Variants in CRYBG3 observed in about 807,000 individuals in gnomAD.
CRYBG3 encodes very large A-kinase anchor protein.
CRYBG3 carries 127 observed loss-of-function variants against 244.2 expected under a neutral mutation model. The observed-to-expected ratio is 0.52, with a 90% CI of 0.45 to 0.60. The LOEUF (loss-of-function observed/expected upper bound fraction) is 0.60, where lower values mean the gene tolerates loss of function less well. CRYBG3 is among the 20% of genes least tolerant of loss of function. CRYBG3 has a pLI of 0.00. For missense variants in CRYBG3, 3,325 were observed against 3,442.5 expected, an observed-to-expected ratio of 0.97 and a Z score of 0.85; for synonymous variants, 1,132 against 1,195.8, an observed-to-expected ratio of 0.95 and a Z score of 1.10.
At chr3:97,894,183 T>C (rs780919743) in intron 11 of CRYBG3, among the ~76,000 whole-genome samples, 5 of 152,206 alleles carry the variant, frequency 3.3e-5, no homozygotes, top group Admixed American at 1.3e-4. Context: ...TAAATGTTTT[T>C]CCTATTAACT....
intron 11 of CRYBG3, 57 bp downstream of exon 11, chr3:97,893,050 A>T: frequency 6.9e-7 from 1 of 1,455,526 alleles, no homozygotes; most frequent in Non-Finnish European, 9.3e-7. Flanking sequence ...GGTCAGCACA[A>T]AAATGTGCTA....
intron 11 of CRYBG3, 59 bp downstream of exon 11, chr3:97,893,052 A>T: frequency 6.9e-7 from 1 of 1,457,892 alleles, no homozygotes; most frequent in South Asian, 1.3e-5. Flanking sequence ...TCAGCACAAA[A>T]ATGTGCTAAG....
rs548815230 is a variant in CRYBG3, at chr3:97,915,748, G to C, written c.8241+12G>C. ...AGCCCATTGACTATGTAAGTACTTT[G>C]CAAAATGCATACTTATAAGATTCTT... On this transcript the variant is annotated intron_variant, in intron 17 of 21. Transcript: ENST00000389622. 31 of 1,589,264 alleles carry C rather than the reference G, an allele frequency of 2.0e-5. No homozygotes were observed. The African/African-American group carries it at 3.5e-4, about 18-fold the overall frequency.
intron 2 of CRYBG3, among the ~76,000 whole-genome samples, chr3:97,863,466 A>G (rs1334178315): frequency 2.6e-5 from 4 of 152,140 alleles, no homozygotes; most frequent in South Asian, 4.1e-4. Context: ...AGTATGCCCA[A>G]TGCTATCCAT....
rs1004320919 is a variant in CRYBG3 at position 97,877,218 on chromosome 3, AGAG to A, written c.6030_6032del (p.Glu2010del). On this transcript the variant is annotated inframe_deletion, in exon 4 of 22. Transcript: ENST00000389622. ...CTATATTATACGAAGAGCCCCTTCA[AGAG>A]GAGGACAAGTATGCTTCCGCAGAAG... 1.1e-5 allele frequency: 17 copies of A among 1,613,918 alleles called. No homozygotes were observed. The highest frequency in any genetic ancestry group is 1.4e-5 in the Non-Finnish European group (17 of 1,179,938).
intron 1 of CRYBG3, among the ~76,000 whole-genome samples, chr3:97,833,902 C>T (rs771470130): frequency 2.1e-4 from 32 of 152,176 alleles, no homozygotes; most frequent in Middle Eastern, 6.8e-3. Context: ...TGTCAAGCTG[C>T]TTCCACTCAT....
At chr3:97,878,068 AG>A in intron 4 of CRYBG3, 31 bp downstream of exon 4, 2 of 1,516,650 alleles carry the variant, frequency 1.3e-6, no homozygotes, top group African/African-American at 1.4e-5. Flanking sequence ...TATTAATAAT[AG>A]TTATTAAAGC....
intron 14 of CRYBG3, 125 bp downstream of exon 14, chr3:97,899,388 A>AAGTG: frequency 1.0e-6 from 1 of 982,832 alleles, no homozygotes; most frequent in South Asian, 1.7e-5. Context: ...AAGAAAATGC[A>AAGTG]ATATCACTTG....
At chr3:97,871,285 ATTGAG>A (rs1470706058) in intron 3 of CRYBG3, among the ~76,000 whole-genome samples, 4 of 152,232 alleles carry the variant, frequency 2.6e-5, no homozygotes, top group African/African-American at 9.6e-5. Context: ...TTTGTCATTT[ATTGAG>A]TTAACAAATA....
intron 11 of CRYBG3, 33 bp downstream of exon 11, chr3:97,893,026 AGTC>A (rs751509222): frequency 3.3e-5 from 52 of 1,575,450 alleles, no homozygotes; most frequent in Non-Finnish European, 4.3e-5. Context: ...TTGCACAAGT[AGTC>A]TGTTTTTGAA....
intron 12 of CRYBG3, 29 bp downstream of exon 12, chr3:97,896,114 C>G (rs745984182): frequency 7.6e-6 from 12 of 1,571,574 alleles, no homozygotes; most frequent in African/African-American, 5.5e-5. Context: ...CCTTAATTTT[C>G]TACCTTTTAA....
At position 97,875,563 on chromosome 3, in the gene CRYBG3, G is replaced by A. The variant is rs182430936; in HGVS notation, c.4369G>A (p.Glu1457Lys). 1.7e-5 allele frequency: 21 copies of A among 1,242,346 alleles called. No homozygotes were observed. In the East Asian group the frequency reaches 3.1e-4, roughly 19 times the overall value. The allele number at this position is 1,242,346 out of a possible 1,614,324, so 77.0% of individuals were successfully genotyped here. The stretch of plus-strand genomic sequence containing the variant: ...GGACTGTAATGAGACAATGGAAATA[G>A]AGAATGTGGATAATAACAAAACTGA... ...SEDCNETMEI[E>K]NVDNNKTETE... is the part of the protein sequence containing the mutation. Residue 1457 changes from glutamate (E) to lysine (K), a missense_variant, in exon 4 of 22, where the codon GAG becomes AAG. This residue lies in a region of CRYBG3 where 635 missense variants were observed against 771.7 expected (regional missense o/e 0.82). Transcript: ENST00000389622.
At chr3:97,835,717 TG>T (rs746302060) in intron 1 of CRYBG3, among the ~76,000 whole-genome samples, 1 of 152,030 alleles carries the variant, frequency 6.6e-6, no homozygotes, top group African/African-American at 2.4e-5. Flanking sequence ...GGATTTCAGT[TG>T]GGGGGGAGGT....
intron 21 of CRYBG3, 34 bp from the exon 22 acceptor site, chr3:97,943,192 C>A: frequency 1.6e-6 from 2 of 1,283,150 alleles, no homozygotes; most frequent in Non-Finnish European, 2.2e-6. Context: ...CCTGCCTGAA[C>A]AAATAATCTT....
At chr3:97,893,601 G>A (rs2039606265) in intron 11 of CRYBG3, among the ~76,000 whole-genome samples, 2 of 152,172 alleles carry the variant, frequency 1.3e-5, no homozygotes, top group Non-Finnish European at 2.9e-5. Context: ...TTCGTATCCT[G>A]GTAGGTGAAA....
chr3:97,841,259 T>C (rs779864009), intron 1 of CRYBG3, among the ~76,000 whole-genome samples: 1 of 142,402 alleles, frequency 7.0e-6, no homozygotes, highest in Non-Finnish European at 1.5e-5. Context: ...TGTATATATG[T>C]GTATACACAT....
chr3:97,918,892 C>T (rs1290665799), intron 17 of CRYBG3, among the ~76,000 whole-genome samples: 1 of 152,270 alleles, frequency 6.6e-6, no homozygotes, highest in East Asian at 1.9e-4. Context: ...TTCATTTTGC[C>T]TATGCACACA....
chr3:97,853,927 A>AT (rs1381412172), intron 2 of CRYBG3, among the ~76,000 whole-genome samples: 12 of 152,032 alleles, frequency 7.9e-5, no homozygotes, highest in African/African-American at 2.9e-4. Context: ...AGTCTTATGG[A>AT]TTTTATCTAC....
At chr3:97,891,555 C>T (rs1002380986) in intron 10 of CRYBG3, among the ~76,000 whole-genome samples, 4 of 152,148 alleles carry the variant, frequency 2.6e-5, no homozygotes, top group South Asian at 2.1e-4. Flanking sequence ...ACTGTCAAGA[C>T]ACTTTCGTAA....
Sources: gnomAD v4.1 joint callset for allele counts (sites outside exome capture counted in the v4.1 genomes callset) on GRCh38, gnomAD v4.1.1 for gene constraint, gnomAD v4.1.1 regional missense constraint, MANE v1.5 for transcripts, NCBI Gene and HGNC (gene_info 2026-07-23, HGNC 2026-07-21) for gene names.